Variants in SNTG1 observed in about 807,000 individuals in gnomAD.
SNTG1 encodes the protein syntrophin gamma 1.
SNTG1 carries 39 observed loss-of-function variants against 74.7 expected under a neutral mutation model. The ratio of observed to expected loss-of-function variants is 0.52; its 90% CI spans 0.40 to 0.68. The LOEUF is 0.68. Among genes scored for constraint, SNTG1 ranks in the 30% least tolerant of loss-of-function variants. The pLI, the probability that SNTG1 is intolerant of heterozygous loss-of-function variation, is 0.00. For missense variants in SNTG1, 685 were observed against 609.5 expected, an observed-to-expected ratio of 1.12 and a Z score of -1.30; for synonymous variants, 254 against 217.1, an observed-to-expected ratio of 1.17 and a Z score of -1.49.
chr8:50,094,898 G>A (rs1473398104), intron 1 of SNTG1, among the ~76,000 whole-genome samples: 1 of 152,112 alleles, frequency 6.6e-6, no homozygotes, highest in African/African-American at 2.4e-5. Flanking sequence ...CAAAGACATG[G>A]AATCAGCCTA....
intron 1 of SNTG1, among the ~76,000 whole-genome samples, chr8:50,136,682 A>G (rs2081485796): frequency 6.6e-6 from 1 of 152,082 alleles, no homozygotes; most frequent in Admixed American, 6.6e-5. Flanking sequence ...TGAAGCATCA[A>G]TTTAATACCT....
intron 4 of SNTG1, among the ~76,000 whole-genome samples, chr8:50,415,962 A>G (rs1455798174): frequency 1.3e-5 from 2 of 152,124 alleles, no homozygotes; most frequent in Non-Finnish European, 2.9e-5. Context: ...TGAGAGAGTA[A>G]AATGGAGAAT....
rs1554514155 is a variant in SNTG1 at position 50,395,506 on chromosome 8, G to GTTT, written c.27+1256_27+1258dup. On this transcript the variant is annotated intron_variant, in intron 3 of 18. Coordinates refer to ENST00000642720, the MANE Select transcript of SNTG1 (RefSeq NM_018967.5). Reference sequence around the variant, plus strand: ...TTTAAATTTTAATTGTCTAATTTCTGTTTTTTTTTTTTTTTTTAATGGAGT... The same window carrying GTTT: ...TTTAAATTTTAATTGTCTAATTTCTGTTTTTTTTTTTTTTTTTTTTAATGGAGT... Among the ~76,000 whole-genome samples the GTTT allele has an allele frequency of 2.3e-3, 306 of 135,662 alleles. 2 individuals carry two copies. Among genetic ancestry groups the GTTT allele is most frequent in the African/African-American group, 7.9e-3 (287 of 36,466 alleles). 89.0% of individuals were successfully genotyped at this position (135,662 alleles called of 152,430 possible). A position where few individuals can be genotyped will look rare whatever the true frequency, so the allele number is the denominator to read the frequency against.
At chr8:50,380,823 T>C (rs554632608) in intron 2 of SNTG1, among the ~76,000 whole-genome samples, 7 of 152,314 alleles carry the variant, frequency 4.6e-5, no homozygotes, top group African/African-American at 1.7e-4. Flanking sequence ...TGATAATAAT[T>C]CTTTTTAATT....
intron 2 of SNTG1, among the ~76,000 whole-genome samples, chr8:50,284,474 G>A (rs1056019212): frequency 6.6e-6 from 1 of 152,134 alleles, no homozygotes; most frequent in East Asian, 1.9e-4. Flanking sequence ...TTTGGCCATT[G>A]GTTGTCCTTT....
At chr8:49,957,459 CTTGAAG>C (rs1350253991) in intron 1 of SNTG1, among the ~76,000 whole-genome samples, 5 of 152,092 alleles carry the variant, frequency 3.3e-5, no homozygotes, top group Non-Finnish European at 7.4e-5. Context: ...AGTTTAAGCA[CTTGAAG>C]TTGGTCTAGC....
chr8:50,441,167 C>T (rs142156797), intron 5 of SNTG1, among the ~76,000 whole-genome samples: 3 of 152,196 alleles, frequency 2.0e-5, no homozygotes, highest in Non-Finnish European at 2.9e-5. Flanking sequence ...TATGTCTCAG[C>T]GGCTGTGGGC....
At chr8:50,724,117 T>C (rs1353101722) in intron 17 of SNTG1, among the ~76,000 whole-genome samples, 6 of 152,210 alleles carry the variant, frequency 3.9e-5, no homozygotes, top group Non-Finnish European at 7.3e-5. Flanking sequence ...TTTTATTCCA[T>C]GGTGTTATTT....
At chr8:50,081,635 T>C (rs1822423103) in intron 1 of SNTG1, among the ~76,000 whole-genome samples, 1 of 152,032 alleles carries the variant, frequency 6.6e-6, no homozygotes, top group South Asian at 2.1e-4. Context: ...TTGTTTTTGT[T>C]TTTGTTTGGT....
intron 13 of SNTG1, among the ~76,000 whole-genome samples, chr8:50,617,378 TCACACACACACACACA>T (rs3999830): frequency 1.4e-5 from 2 of 146,948 alleles, no homozygotes; most frequent in South Asian, 2.2e-4. Context: ...AGTAAGCATT[TCACACACACACACACA>T]CACACACACA....
chr8:50,302,710 C>T (rs1587025155), intron 2 of SNTG1, among the ~76,000 whole-genome samples: 2 of 152,166 alleles, frequency 1.3e-5, no homozygotes, highest in Non-Finnish European at 2.9e-5. Flanking sequence ...GTCTTTCATA[C>T]TCTCATAAAT....
At chr8:50,186,919 G>C (rs996852922) in intron 2 of SNTG1, among the ~76,000 whole-genome samples, 1 of 151,992 alleles carries the variant, frequency 6.6e-6, no homozygotes, top group African/African-American at 2.4e-5. Context: ...GGCTTTTGTT[G>C]CAATTACTTT....
At chr8:50,776,756 C>G (rs1461233877) in intron 18 of SNTG1, among the ~76,000 whole-genome samples, 4 of 151,752 alleles carry the variant, frequency 2.6e-5, no homozygotes, top group Admixed American at 2.6e-4. Context: ...TTAAGCCATG[C>G]TTTTAGGATA....
At chr8:50,719,575 A>C (rs2095482865) in intron 17 of SNTG1, among the ~76,000 whole-genome samples, 1 of 152,080 alleles carries the variant, frequency 6.6e-6, no homozygotes, top group Admixed American at 6.5e-5. Flanking sequence ...TGTACCAACA[A>C]AACAAAGTTT....
chr8:50,335,666 T>C (rs2091115430), intron 2 of SNTG1, among the ~76,000 whole-genome samples: 1 of 152,076 alleles, frequency 6.6e-6, no homozygotes, highest in Admixed American at 6.5e-5. Flanking sequence ...TTCCTACTTT[T>C]AAGGGCTCCT....
intron 10 of SNTG1, among the ~76,000 whole-genome samples, chr8:50,532,729 A>G (rs1368777933): frequency 4.6e-5 from 7 of 152,358 alleles, no homozygotes; most frequent in African/African-American, 1.4e-4. Flanking sequence ...GGTCAAAGAC[A>G]TGAAATAACA....
chr8:50,436,335 C>T lies in SNTG1; in HGVS notation c.163-2208C>T, dbSNP rs548521044. On this transcript the variant is annotated intron_variant, in intron 4 of 18. Transcript: ENST00000642720. ...ATCTATTTTGTAGGAAAAATAGTCA[C>T]GATTTAATTCACCTATTCCTGAATC... 1.3e-4 allele frequency among the ~76,000 whole-genome samples: 20 copies of T among 152,182 alleles called. No individual in the cohort carries two copies. In the South Asian group the frequency reaches 4.1e-3, roughly 32 times the overall value.
intron 8 of SNTG1, 77 bp from the exon 9 acceptor site, chr8:50,502,701 C>A (rs919251432): frequency 3.3e-6 from 4 of 1,205,796 alleles, no homozygotes; most frequent in East Asian, 2.5e-5. Flanking sequence ...AAGAAACAAC[C>A]AATAATTTCA....
chr8:50,350,113 G>A lies in SNTG1; in HGVS notation c.-27-44099G>A, dbSNP rs573254248. Among the ~76,000 whole-genome samples the A allele has an allele frequency of 8.5e-5, 13 of 152,260 alleles. No individual in the cohort carries two copies. The East Asian group carries it at 1.7e-3, about 20-fold the overall frequency. ...CCCCCAGCAGCGCCGGCTCACGGGCGCTGTGCTCGATTTCTCGCTGGTCCT... is the reference window on the plus strand; with the variant it reads ...CCCCCAGCAGCGCCGGCTCACGGGCACTGTGCTCGATTTCTCGCTGGTCCT... On this transcript the variant is annotated intron_variant, in intron 2 of 18. Coordinates refer to ENST00000642720, the MANE Select transcript of SNTG1 (RefSeq NM_018967.5).
Sources: allele counts gnomAD v4.1 joint callset (sites outside exome capture counted in the v4.1 genomes callset), GRCh38; gene constraint gnomAD v4.1.1; transcripts MANE v1.5; gene names NCBI Gene and HGNC (gene_info 2026-07-23, HGNC 2026-07-21).